AOAH: variants seen among roughly 807,000 people sequenced by gnomAD.
AOAH encodes the protein acyloxyacyl hydrolase, also known as acyloxyacyl hydrolase (neutrophil).
AOAH carries 64 observed loss-of-function variants against 92.2 expected under a neutral mutation model. The ratio of observed to expected loss-of-function variants is 0.69; its 90% confidence interval spans 0.57 to 0.86. The LOEUF (loss-of-function observed/expected upper bound fraction) is 0.86. AOAH is among the 40% of genes least tolerant of loss of function. The pLI is 0.00. For missense variants in AOAH, 656 were observed against 694.6 expected (o/e 0.94, Z 0.62); for synonymous variants, 263 against 254.5 (o/e 1.03, Z -0.32).
rs529811110 is a variant in AOAH, at chr7:36,724,436, G to A, written c.-288C>T. ...GTGCGGTTCTGCTGAGGTAAAGACT[G>A]CAGGATAAAGAAAACCCAAGTTGCA... On this transcript the variant is annotated 5_prime_UTR_variant, in exon 1 of 21. Coordinates refer to ENST00000617537, the MANE Select transcript of AOAH (RefSeq NM_001637.4). 2.6e-5 allele frequency: 7 copies of A among 271,848 alleles called. No individual in the cohort carries two copies. Among genetic ancestry groups the A allele is most frequent in the Non-Finnish European group, 5.2e-5 (7 of 134,604 alleles). The allele number at this position is 271,848 out of a possible 1,614,324, so 16.8% of individuals were successfully genotyped here.
At chr7:36,672,025 G>A (rs890090202) in intron 3 of AOAH, among the ~76,000 whole-genome samples, 2 of 152,178 alleles carry the variant, frequency 1.3e-5, no homozygotes, top group African/African-American at 4.8e-5. Flanking sequence ...GAAATTGCAG[G>A]GCAATGGGCA....
chr7:36,672,477 G>A (rs377324238), intron 3 of AOAH, among the ~76,000 whole-genome samples: 13 of 152,320 alleles, frequency 8.5e-5, no homozygotes, highest in South Asian at 2.1e-4. Flanking sequence ...TGCAGGACAC[G>A]GATGAAGCTG....
At chr7:36,640,250 C>T (rs896642972) in intron 4 of AOAH, among the ~76,000 whole-genome samples, 3 of 152,196 alleles carry the variant, frequency 2.0e-5, no homozygotes, top group African/African-American at 7.2e-5. Flanking sequence ...ATTTACTCAG[C>T]ACCCACTTCC....
chr7:36,550,625 T>C (rs200179630), intron 13 of AOAH, among the ~76,000 whole-genome samples: 1 of 152,168 alleles, frequency 6.6e-6, no homozygotes, highest in Non-Finnish European at 1.5e-5. Context: ...TAGGCTGTAG[T>C]TGAGAAAGAG....
chr7:36,549,407 A>G, intron 14 of AOAH, 32 bp downstream of exon 14: 1 of 1,551,544 alleles, frequency 6.4e-7, no homozygotes. Context: ...ATGAGAAACC[A>G]AATTAAAAAC....
chr7:36,621,718 T>C lies in AOAH; in HGVS notation c.645A>G (p.Pro215=). Residue 215 remains proline, a synonymous_variant, in exon 8 of 21, where the codon CCA becomes CCG. Transcript: ENST00000617537. ...DCNDSDESVY[P]GRRPNNWDVH... ...CCAGCAGAAATAGTTACCTTCTACC[T>C]GGGTACACTGACTCGTCGCTGTCAT... 1 of 1,614,112 alleles carries C rather than the reference T, an allele frequency of 6.2e-7. No homozygotes were observed. The highest frequency in any genetic ancestry group is 8.5e-7 in the Non-Finnish European group (1 of 1,179,976).
Position 36,526,506 on chromosome 7 carries a change from A to AT in AOAH, c.1522+3911dup, listed in dbSNP as rs562025409. Among the ~76,000 whole-genome samples, 12 of 152,228 alleles carry AT rather than the reference A, an allele frequency of 7.9e-5. No homozygotes were observed. The East Asian group carries it at 2.3e-3, about 29-fold the overall frequency. On this transcript the variant is annotated intron_variant, in intron 19 of 20. Transcript: ENST00000617537. ...CTGGTCTTTACTTTTTCCTTGATTGATTTTAGAGTGGGAGGTCCATTCAAA... is the reference window on the plus strand; with the variant it reads ...CTGGTCTTTACTTTTTCCTTGATTGATTTTTAGAGTGGGAGGTCCATTCAAA...
chr7:36,669,816 A>C (rs1417383820), intron 3 of AOAH, among the ~76,000 whole-genome samples: 1 of 152,170 alleles, frequency 6.6e-6, no homozygotes, highest in Non-Finnish European at 1.5e-5. Flanking sequence ...GATCTCAGAG[A>C]GCTCCTGGGC....
chr7:36,651,012 G>T (rs888669114), intron 4 of AOAH, among the ~76,000 whole-genome samples: 1 of 152,188 alleles, frequency 6.6e-6, no homozygotes, highest in South Asian at 2.1e-4. Flanking sequence ...TCTAGGGAAA[G>T]GGCCCAGCAC....
intron 13 of AOAH, among the ~76,000 whole-genome samples, chr7:36,571,336 A>G (rs1434220237): frequency 6.6e-6 from 1 of 151,682 alleles, no homozygotes; most frequent in East Asian, 1.9e-4. Context: ...AGAGGCTGAA[A>G]CCCCTCATCT....
chr7:36,556,390 A>T (rs1373836497), intron 13 of AOAH, among the ~76,000 whole-genome samples: 3 of 151,764 alleles, frequency 2.0e-5, no homozygotes, highest in Admixed American at 6.6e-5. Context: ...TGCTGAGGAG[A>T]GCTTTACTTC....
chr7:36,621,097 T>C (rs918239944), intron 8 of AOAH, among the ~76,000 whole-genome samples: 3 of 152,226 alleles, frequency 2.0e-5, no homozygotes, highest in Non-Finnish European at 4.4e-5. Flanking sequence ...ACTATATTCA[T>C]GGACCGCATT....
intron 1 of AOAH, among the ~76,000 whole-genome samples, chr7:36,717,724 C>A (rs1005155743): frequency 3.7e-5 from 3 of 81,552 alleles, no homozygotes; most frequent in East Asian, 1.1e-3. Flanking sequence ...TTTTTCTCTT[C>A]TTATTTTTTT....
intron 11 of AOAH, among the ~76,000 whole-genome samples, chr7:36,612,208 AG>A (rs1378617022): frequency 2.0e-5 from 3 of 152,242 alleles, no homozygotes; most frequent in Non-Finnish European, 4.4e-5. Flanking sequence ...TACCATCCAA[AG>A]ATAGCCAGTG....
intron 3 of AOAH, among the ~76,000 whole-genome samples, chr7:36,673,395 G>A (rs775361910): frequency 3.1e-5 from 3 of 97,298 alleles, no homozygotes; most frequent in Non-Finnish European, 5.9e-5. Flanking sequence ...AAAATTAGCC[G>A]GTGTGGTGGC....
chr7:36,562,945 G>A (rs1437473751), intron 13 of AOAH, among the ~76,000 whole-genome samples: 3 of 151,674 alleles, frequency 2.0e-5, no homozygotes, highest in East Asian at 1.9e-4. Context: ...TCAGGAGTTC[G>A]AGACCAACCT....
At chr7:36,633,589 G>A (rs1390055986) in intron 5 of AOAH, among the ~76,000 whole-genome samples, 4 of 152,164 alleles carry the variant, frequency 2.6e-5, no homozygotes, top group Non-Finnish European at 5.9e-5. Flanking sequence ...CCACCTGGAG[G>A]GAGAATCGGA....
At chr7:36,597,797 AG>A (rs894618264) in intron 11 of AOAH, 10 of 152,194 alleles carry the variant, frequency 6.6e-5, no homozygotes, top group African/African-American at 2.2e-4. Flanking sequence ...ACACTAAGGG[AG>A]GGGTAAATAA....
At chr7:36,570,112 T>C (rs1207065521) in intron 13 of AOAH, among the ~76,000 whole-genome samples, 1 of 152,210 alleles carries the variant, frequency 6.6e-6, no homozygotes, top group Non-Finnish European at 1.5e-5. Flanking sequence ...ATCCCTAGGA[T>C]TTATTCATCT....
Sources: allele counts gnomAD v4.1 joint callset (sites outside exome capture counted in the v4.1 genomes callset), GRCh38; gene constraint gnomAD v4.1.1; transcripts MANE v1.5; gene names NCBI Gene and HGNC (gene_info 2026-07-23, HGNC 2026-07-21).